Variants in CD2AP observed in about 807,000 individuals in gnomAD.
The protein encoded by CD2AP is CD2-associated protein.
Under a neutral mutation model 85.1 loss-of-function variants are expected in CD2AP, and 46 were observed. That is an observed-to-expected ratio of 0.54 (90% CI 0.43 to 0.69). The LOEUF (loss-of-function observed/expected upper bound fraction) is 0.69, where lower values mean the gene tolerates loss of function less well. CD2AP is among the 30% of genes least tolerant of loss of function. The probability of loss-of-function intolerance (pLI) is 0.00; values close to 1 mark genes in which losing one functional copy is unlikely to be tolerated. For missense variants in CD2AP, 769 were observed against 729.5 expected, an observed-to-expected ratio of 1.05 and a Z score of -0.62; for synonymous variants, 255 against 252.9, an observed-to-expected ratio of 1.01 and a Z score of -0.08.
intron 3 of CD2AP, among the ~76,000 whole-genome samples, chr6:47,534,196 T>C (rs1338666274): frequency 1.3e-5 from 2 of 152,182 alleles, no homozygotes; most frequent in Non-Finnish European, 2.9e-5. Flanking sequence ...TTTGGTACTG[T>C]GTAAATATGT....
At position 47,624,601 on chromosome 6, in the gene CD2AP, T is replaced by C. The variant is rs1477575449; in HGVS notation, c.*374T>C. ...TATTTACAAGTAATCTGTTAAGATA[T>C]ACTATTTGAGAGGGACAGATTAGCC... On this transcript the variant is annotated 3_prime_UTR_variant, in exon 18 of 18. Transcript: ENST00000359314. 1.4e-5 allele frequency: 3 copies of C among 211,866 alleles called. No individual in the cohort carries two copies. The highest frequency in any genetic ancestry group is 2.9e-5 in the Non-Finnish European group (3 of 105,172). The allele number at this position is 211,866 out of a possible 1,614,324, so 13.1% of individuals were successfully genotyped here. A position where few individuals can be genotyped will look rare whatever the true frequency, so the allele number is the denominator to read the frequency against.
chr6:47,580,776 A>G (rs2114106423), intron 9 of CD2AP, 88 bp from the exon 10 acceptor site: 1 of 898,734 alleles, frequency 1.1e-6, no homozygotes, highest in Non-Finnish European at 1.8e-6. Context: ...AGACATTTGT[A>G]TAATTTAGAT....
At chr6:47,491,498 T>C (rs1386389136) in intron 1 of CD2AP, among the ~76,000 whole-genome samples, 4 of 152,130 alleles carry the variant, frequency 2.6e-5, no homozygotes, top group African/African-American at 9.7e-5. Flanking sequence ...ATCAGTGATA[T>C]AATATAGAGA....
rs1767795641 is a variant in CD2AP at position 47,559,552 on chromosome 6, C to G, written c.541+4786C>G. Among the ~76,000 whole-genome samples the G allele has an allele frequency of 2.6e-5, 4 of 151,540 alleles. No homozygotes were observed. The South Asian group carries it at 8.4e-4, about 32-fold the overall frequency. On this transcript the variant is annotated intron_variant, in intron 5 of 17. Coordinates refer to ENST00000359314, the MANE Select transcript of CD2AP (RefSeq NM_012120.3). ...TACAGATGTGAGCCACCACATCTGG[C>G]CAAGAAAATTAATTTTAGAGAAAAA...
chr6:47,558,647 C>T (rs1272874484), intron 5 of CD2AP, among the ~76,000 whole-genome samples: 1 of 152,164 alleles, frequency 6.6e-6, no homozygotes, highest in Admixed American at 6.5e-5. Context: ...TATGTTGAAC[C>T]AGCCTTGCAT....
chr6:47,615,866 A>G (rs954092598), intron 17 of CD2AP, among the ~76,000 whole-genome samples: 1 of 149,662 alleles, frequency 6.7e-6, no homozygotes, highest in African/African-American at 2.5e-5. Flanking sequence ...TGCAAGCTCC[A>G]CCTCCTGAGT....
At chr6:47,534,228 A>T (rs1766967105) in intron 3 of CD2AP, among the ~76,000 whole-genome samples, 2 of 152,226 alleles carry the variant, frequency 1.3e-5, no homozygotes, top group African/African-American at 2.4e-5. Flanking sequence ...CTTGGCAAAG[A>T]AGGAGAGCAT....
chr6:47,538,789 T>G (rs1767122844), intron 3 of CD2AP, among the ~76,000 whole-genome samples: 3 of 152,204 alleles, frequency 2.0e-5, no homozygotes, highest in Non-Finnish European at 4.4e-5. Context: ...AGAGCTTTGT[T>G]TGATCTGAAT....
chr6:47,523,219 T>A (rs909872558), intron 2 of CD2AP, among the ~76,000 whole-genome samples: 2 of 152,094 alleles, frequency 1.3e-5, no homozygotes, highest in African/African-American at 4.8e-5. Context: ...CATTTTGATG[T>A]TTGATTTACT....
At position 47,624,564 on chromosome 6, in the gene CD2AP, A is replaced by G; in HGVS notation, c.*337A>G. 4.2e-6 allele frequency: 1 copy of G among 236,982 alleles called. No homozygotes were observed. Among genetic ancestry groups the G allele is most frequent in the South Asian group, 6.3e-5 (1 of 15,910 alleles). The allele number at this position is 236,982 out of a possible 1,614,324, so 14.7% of individuals were successfully genotyped here. A position where few individuals can be genotyped will look rare whatever the true frequency, so the allele number is the denominator to read the frequency against. On this transcript the variant is annotated 3_prime_UTR_variant, in exon 18 of 18. Transcript: ENST00000359314. ...TATTTTTAAAGAGATCTATACTATA[A>G]ATATGGTGATATATTTACAAGTAAT...
At chr6:47,520,419 G>A (rs190940828) in intron 2 of CD2AP, among the ~76,000 whole-genome samples, 104 of 152,326 alleles carry the variant, frequency 6.8e-4, no homozygotes, top group African/African-American at 2.4e-3. Flanking sequence ...ACAGTTGTCG[G>A]GAGGGGCTCC....
intron 2 of CD2AP, among the ~76,000 whole-genome samples, chr6:47,514,752 G>A (rs1237063442): frequency 3.3e-5 from 5 of 152,102 alleles, no homozygotes; most frequent in East Asian, 1.9e-4. Flanking sequence ...TTCAGAAAGG[G>A]GATTAAAAGT....
chr6:47,621,098 G>A (rs533343224), intron 17 of CD2AP, among the ~76,000 whole-genome samples: 24 of 152,294 alleles, frequency 1.6e-4, no homozygotes, highest in African/African-American at 5.8e-4. Context: ...GGAGTGGTGA[G>A]AGCAGACATC....
intron 5 of CD2AP, among the ~76,000 whole-genome samples, chr6:47,561,181 A>G (rs1435406095): frequency 6.6e-6 from 1 of 152,230 alleles, no homozygotes; most frequent in Non-Finnish European, 1.5e-5. Flanking sequence ...CCTTTAAAAT[A>G]TACAATCTGA....
At chr6:47,508,823 G>A (rs2113989791) in intron 2 of CD2AP, among the ~76,000 whole-genome samples, 1 of 152,282 alleles carries the variant, frequency 6.6e-6, no homozygotes, top group South Asian at 2.1e-4. Context: ...GGGATTACAG[G>A]TGTGAGCCTG....
intron 1 of CD2AP, among the ~76,000 whole-genome samples, chr6:47,502,830 C>T (rs554763303): frequency 1.3e-5 from 2 of 152,240 alleles, no homozygotes; most frequent in African/African-American, 4.8e-5. Context: ...GCCTCGGCCT[C>T]CCAAAGTGCT....
chr6:47,525,516 G>T (rs890516128), intron 2 of CD2AP, among the ~76,000 whole-genome samples: 1 of 152,012 alleles, frequency 6.6e-6, no homozygotes, highest in African/African-American at 2.4e-5. Flanking sequence ...CAAGTAAATT[G>T]CTTTCTATTT....
chr6:47,535,046 A>T (rs1365612934), intron 3 of CD2AP, among the ~76,000 whole-genome samples: 3 of 152,046 alleles, frequency 2.0e-5, no homozygotes, highest in Non-Finnish European at 4.4e-5. Context: ...ATTTGCCCCC[A>T]TTGGCTTCCC....
In CD2AP at chr6:47,522,929, T is replaced by G. The variant is rs543210235; in HGVS notation, c.166-10673T>G. ...ATAAGAGATGTATGTATATAGCTAC[T>G]TTGGAAAGTCTCATTGATTTAGAAA... On this transcript the variant is annotated intron_variant, in intron 2 of 17. Coordinates refer to ENST00000359314, the MANE Select transcript of CD2AP (RefSeq NM_012120.3). Among the ~76,000 whole-genome samples, 4 of 152,102 alleles carry G rather than the reference T, an allele frequency of 2.6e-5. No homozygotes were observed. In the South Asian group the frequency reaches 6.2e-4, roughly 24 times the overall value.
Sources: allele counts gnomAD v4.1 joint callset (sites outside exome capture counted in the v4.1 genomes callset), GRCh38; gene constraint gnomAD v4.1.1; transcripts MANE v1.5; gene names NCBI Gene and HGNC (gene_info 2026-07-23, HGNC 2026-07-21).